The following COPS8 variants were observed in gnomAD, a reference collection of about 807,000 sequenced individuals.
The protein encoded by COPS8 is COP9 signalosome subunit 8, also known as COP9 signalosome complex subunit 8.
A neutral mutation model predicts 31.5 loss-of-function variants in COPS8; 11 were observed. The ratio of observed to expected loss-of-function variants is 0.35; its 90% CI spans 0.22 to 0.58. The LOEUF is 0.58. Among genes scored for constraint, COPS8 ranks in the 20% least tolerant of loss-of-function variants. The probability of loss-of-function intolerance (pLI) is 0.83; values close to 1 mark genes in which losing one functional copy is unlikely to be tolerated. For synonymous variants in COPS8, 81 were observed against 89.3 expected (o/e 0.91, Z 0.52); for missense variants, 215 against 255.1 (o/e 0.84, Z 1.07).
At chr2:237,088,924 G>A (rs1233060040) in intron 3 of COPS8, among the ~76,000 whole-genome samples, 5 of 152,190 alleles carry the variant, frequency 3.3e-5, no homozygotes, top group African/African-American at 1.2e-4. Flanking sequence ...CAGTTTAGAT[G>A]AAGGAAGCTC....
chr2:237,086,771 A>G (rs1696624033), intron 1 of COPS8: 5 of 982,878 alleles, frequency 5.1e-6, no homozygotes, highest in Non-Finnish European at 6.1e-6. Flanking sequence ...TGCTTCAGGA[A>G]TCTGTCGAAT....
intron 3 of COPS8, among the ~76,000 whole-genome samples, chr2:237,089,236 C>T (rs1696667250): frequency 1.3e-5 from 2 of 152,100 alleles, no homozygotes; most frequent in Admixed American, 6.5e-5. Context: ...ACCAAGAATT[C>T]ATCTAAACTT....
At chr2:237,088,937 G>A (rs1175944000) in intron 3 of COPS8, among the ~76,000 whole-genome samples, 1 of 152,194 alleles carries the variant, frequency 6.6e-6, no homozygotes, top group Non-Finnish European at 1.5e-5. Flanking sequence ...GGAAGCTCCT[G>A]GAGGTGGCGG....
intron 1 of COPS8, among the ~76,000 whole-genome samples, chr2:237,086,402 A>T (rs767168460): frequency 2.0e-5 from 3 of 152,184 alleles, no homozygotes; most frequent in Non-Finnish European, 2.9e-5. Context: ...ACACACACAC[A>T]CTAACACACA....
intron 5 of COPS8, among the ~76,000 whole-genome samples, chr2:237,094,662 A>G (rs774553346): frequency 1.1e-4 from 17 of 152,008 alleles, no homozygotes; most frequent in Non-Finnish European, 1.9e-4. Flanking sequence ...GCTCGTTGTT[A>G]TAGAATACTG....
At chr2:237,096,555 A>G (rs1350965267) in intron 6 of COPS8, 1 of 475,902 alleles carries the variant, frequency 2.1e-6, no homozygotes, top group Non-Finnish European at 3.7e-6. Flanking sequence ...CGGAATGCCT[A>G]TGTTTAGACA....
intron 6 of COPS8, 93 bp downstream of exon 6, chr2:237,095,977 A>G: frequency 2.3e-6 from 2 of 861,150 alleles, no homozygotes; most frequent in Non-Finnish European, 2.0e-6. Context: ...TGGATGTAAA[A>G]TTCGGCTATA....
At chr2:237,089,167 A>G (rs890746247) in intron 3 of COPS8, among the ~76,000 whole-genome samples, 3 of 152,228 alleles carry the variant, frequency 2.0e-5, no homozygotes, top group African/African-American at 7.2e-5. Context: ...TTTAATGTCA[A>G]ATGATTCCAT....
Position 237,100,147 on chromosome 2 carries a change from T to TG in COPS8, c.*2406dup, listed in dbSNP as rs1436604640. On this transcript the variant is annotated 3_prime_UTR_variant, in exon 8 of 8. Transcript: ENST00000354371. ...AGATAAAAGTTAGAAAAACGGTACT[T>TG]GCAGCCCTTAATGAAACAAAGAAGG... is the stretch of plus-strand genomic sequence containing the variant. 4 of 152,260 alleles carry TG rather than the reference T, an allele frequency of 2.6e-5. No homozygotes were observed. In the East Asian group the frequency reaches 7.7e-4, roughly 29 times the overall value. The allele number at this position is 152,260 out of a possible 1,614,324, so 9.4% of individuals were successfully genotyped here.
intron 4 of COPS8, 67 bp from the exon 5 acceptor site, chr2:237,094,023 T>G: frequency 6.3e-7 from 1 of 1,580,188 alleles, no homozygotes; most frequent in Non-Finnish European, 8.6e-7. Context: ...GTGGTGTGAT[T>G]TAACAATGTG....
At position 237,097,622 on chromosome 2, in the gene COPS8, T is replaced by C. The variant is rs373280338; in HGVS notation, c.551-41T>C. On this transcript the variant is annotated intron_variant, in intron 7 of 7. Coordinates refer to ENST00000354371, the MANE Select transcript of COPS8 (RefSeq NM_006710.5). The stretch of plus-strand genomic sequence containing the variant: ...TGTTGGGGCCAAAGCTTTGTTACTG[T>C]GGTATGTAACATGAAGTGTGTTTGT... 5.6e-6 allele frequency: 8 copies of C among 1,416,552 alleles called. No individual in the cohort carries two copies. In the African/African-American group the frequency reaches 1.1e-4, roughly 20 times the overall value. The allele number at this position is 1,416,552 out of a possible 1,614,324, so 87.7% of individuals were successfully genotyped here. A position where few individuals can be genotyped will look rare whatever the true frequency, so the allele number is the denominator to read the frequency against.
At chr2:237,088,500 G>T in intron 2 of COPS8, 105 bp from the exon 3 acceptor site, 1 of 661,160 alleles carries the variant, frequency 1.5e-6, no homozygotes, top group South Asian at 2.5e-5. Context: ...TGTGTTATGT[G>T]AAGTATACTT....
chr2:237,099,537 GATTAA>G lies in COPS8; in HGVS notation c.*1801_*1805del, dbSNP rs201781291. ...TATCTTTTTTATTATTAAAAGTATA[GATTAA>G]ATTAATAATCATGTAACATTAGACC... is the stretch of plus-strand genomic sequence containing the variant. On this transcript the variant is annotated 3_prime_UTR_variant, in exon 8 of 8. Transcript: ENST00000354371. 1.3e-5 allele frequency: 2 copies of G among 152,072 alleles called. No individual in the cohort carries two copies. Among genetic ancestry groups the G allele is most frequent in the Non-Finnish European group, 2.9e-5 (2 of 67,978 alleles). 9.4% of individuals were successfully genotyped at this position (152,072 alleles called of 1,614,324 possible). A position where few individuals can be genotyped will look rare whatever the true frequency, so the allele number is the denominator to read the frequency against.
intron 5 of COPS8, among the ~76,000 whole-genome samples, chr2:237,095,536 T>C (rs1410300419): frequency 6.6e-6 from 1 of 152,206 alleles, no homozygotes; most frequent in Non-Finnish European, 1.5e-5. Context: ...TTGTTTTAAA[T>C]AATACTGATT....
chr2:237,090,115 C>A, intron 4 of COPS8, 121 bp downstream of exon 4: 2 of 970,766 alleles, frequency 2.1e-6, no homozygotes, highest in African/African-American at 1.7e-5. Flanking sequence ...GTGAAAAGAG[C>A]AGTTTTCAGA....
chr2:237,097,224 C>CTTTTTTTTTTTTTTTTTTTTTTTTTT (rs996251270), intron 7 of COPS8, among the ~76,000 whole-genome samples: 7 of 95,986 alleles, frequency 7.3e-5, no homozygotes, highest in African/African-American at 1.5e-4. Context: ...TGTGGGTTTT[C>CTTTTTTTTTTTTTTTTTTTTTTTTTT]TTTTTTTTTT....
At chr2:237,090,825 C>G (rs1696694213) in intron 4 of COPS8, among the ~76,000 whole-genome samples, 1 of 152,172 alleles carries the variant, frequency 6.6e-6, no homozygotes, top group African/African-American at 2.4e-5. Context: ...AGTGACAGAA[C>G]AGGAGGCAGC....
chr2:237,087,982 TCTGTGACTCA>T (rs1272299157), intron 2 of COPS8, among the ~76,000 whole-genome samples: 1 of 152,080 alleles, frequency 6.6e-6, no homozygotes, highest in African/African-American at 2.4e-5. Flanking sequence ...CTCCTATAGT[TCTGTGACTCA>T]CTGATGATTC....
In COPS8 at chr2:237,097,901, T is replaced by G; in HGVS notation, c.*159T>G. The G allele has an allele frequency of 1.9e-6, 1 of 532,926 alleles. No individual in the cohort carries two copies. The highest frequency in any genetic ancestry group is 3.3e-6 in the Non-Finnish European group (1 of 301,582). 33.0% of individuals were successfully genotyped at this position (532,926 alleles called of 1,614,324 possible). A position where few individuals can be genotyped will look rare whatever the true frequency, so the allele number is the denominator to read the frequency against. On this transcript the variant is annotated 3_prime_UTR_variant, in exon 8 of 8. Transcript: ENST00000354371. ...TAGAATATAAGATATACTATATACA[T>G]TTTGTCCATAAACGTTATGCTGAAT...
Sources: allele counts gnomAD v4.1 joint callset (sites outside exome capture counted in the v4.1 genomes callset), GRCh38; gene constraint gnomAD v4.1.1; transcripts MANE v1.5; gene names NCBI Gene and HGNC (gene_info 2026-07-23, HGNC 2026-07-21).